CTNNA2: variants seen among roughly 807,000 people sequenced by gnomAD.
The protein encoded by CTNNA2 is catenin alpha-2.
A neutral mutation model predicts 101.0 loss-of-function variants in CTNNA2; 42 were observed. The observed-to-expected ratio is 0.42, with a 90% confidence interval of 0.32 to 0.54. CTNNA2 has a LOEUF of 0.54. Ranked by LOEUF, CTNNA2 falls within the 20% of genes least tolerant of loss-of-function variation. The pLI, the probability that CTNNA2 is intolerant of heterozygous loss-of-function variation, is 0.14. For synonymous variants in CTNNA2, 450 were observed against 456.4 expected (o/e 0.99, Z 0.18); for missense variants, 871 against 1,223.1 (o/e 0.71, Z 4.29).
intron 7 of CTNNA2, among the ~76,000 whole-genome samples, chr2:80,241,425 A>G (rs1483364017): frequency 6.6e-6 from 1 of 151,922 alleles, no homozygotes. Flanking sequence ...AAAGCATTTT[A>G]GGAACATTTC....
intron 7 of CTNNA2, among the ~76,000 whole-genome samples, chr2:79,973,988 GC>G (rs776401007): frequency 2.8e-4 from 43 of 152,058 alleles, no homozygotes; most frequent in Middle Eastern, 3.2e-3. Flanking sequence ...TGTTGCAGTG[GC>G]CTTTGTCCAA....
chr2:80,106,421 T>C (rs1700893845), intron 7 of CTNNA2, among the ~76,000 whole-genome samples: 1 of 152,180 alleles, frequency 6.6e-6, no homozygotes, highest in Non-Finnish European at 1.5e-5. Flanking sequence ...CCAGCAACCC[T>C]GGGTTACACT....
At chr2:80,230,258 T>TTTTTTC (rs1709120238) in intron 7 of CTNNA2, among the ~76,000 whole-genome samples, 2 of 112,330 alleles carry the variant, frequency 1.8e-5, no homozygotes, top group African/African-American at 8.2e-5. Flanking sequence ...TTTTTTTTCT[T>TTTTTTC]TGTTTTTTTT....
chr2:79,749,049 A>C (rs1339008372), intron 3 of CTNNA2, among the ~76,000 whole-genome samples: 1 of 152,144 alleles, frequency 6.6e-6, no homozygotes, highest in Non-Finnish European at 1.5e-5. Context: ...TGTGAAAGGC[A>C]TGCAGTTCAT....
intron 7 of CTNNA2, among the ~76,000 whole-genome samples, chr2:79,934,518 A>C (rs1219359771): frequency 1.3e-5 from 2 of 152,232 alleles, no homozygotes; most frequent in Non-Finnish European, 2.9e-5. Flanking sequence ...GTGGGACTTG[A>C]GTTTACACTC....
intron 7 of CTNNA2, among the ~76,000 whole-genome samples, chr2:80,301,526 AC>A (rs1395770874): frequency 1.3e-5 from 2 of 152,068 alleles, no homozygotes; most frequent in African/African-American, 4.8e-5. Context: ...CTTTTTAAAA[AC>A]CATTTGCAAT....
At chr2:79,699,843 A>T (rs1239174764) in intron 2 of CTNNA2, among the ~76,000 whole-genome samples, 1 of 148,272 alleles carries the variant, frequency 6.7e-6, no homozygotes, top group African/African-American at 2.5e-5. Flanking sequence ...GTGTGTGTAT[A>T]TATATATGTA....
chr2:80,040,583 A>G (rs1461101371), intron 7 of CTNNA2, among the ~76,000 whole-genome samples: 1 of 152,202 alleles, frequency 6.6e-6, no homozygotes, highest in Non-Finnish European at 1.5e-5. Flanking sequence ...CCGGGTTGGT[A>G]CTTCATCTGT....
At chr2:79,715,229 A>C (rs904301228) in intron 2 of CTNNA2, among the ~76,000 whole-genome samples, 8 of 145,866 alleles carry the variant, frequency 5.5e-5, no homozygotes, top group African/African-American at 1.8e-4. Flanking sequence ...AAAAAAAAAA[A>C]CCCACAGAGG....
At chr2:80,377,336 G>A (rs1676054546) in intron 7 of CTNNA2, among the ~76,000 whole-genome samples, 1 of 152,212 alleles carries the variant, frequency 6.6e-6, no homozygotes, top group Admixed American at 6.5e-5. Flanking sequence ...AAAGATCAGG[G>A]TAAGGAATTT....
chr2:80,214,897 A>G (rs1444369050), intron 7 of CTNNA2, among the ~76,000 whole-genome samples: 2 of 152,150 alleles, frequency 1.3e-5, no homozygotes, highest in African/African-American at 2.4e-5. Flanking sequence ...AGGTACACCA[A>G]TCAGACGTAG....
chr2:79,843,084 GT>G (rs771219498), intron 3 of CTNNA2, among the ~76,000 whole-genome samples: 2 of 152,220 alleles, frequency 1.3e-5, no homozygotes, highest in Non-Finnish European at 2.9e-5. Context: ...ATTTAAATGT[GT>G]AACAATGGGG....
chr2:80,172,009 T>A (rs1276258916), intron 7 of CTNNA2, among the ~76,000 whole-genome samples: 1 of 152,066 alleles, frequency 6.6e-6, no homozygotes, highest in African/African-American at 2.4e-5. Context: ...AGAGGAAGTA[T>A]TATGAGGGTG....
intron 4 of CTNNA2, among the ~76,000 whole-genome samples, chr2:79,867,799 C>T (rs1008568960): frequency 9.2e-5 from 14 of 152,150 alleles, no homozygotes; most frequent in Non-Finnish European, 2.1e-4. Flanking sequence ...GAATTTAGCT[C>T]CCTCTGAGAT....
intron 2 of CTNNA2, among the ~76,000 whole-genome samples, chr2:79,259,697 T>A (rs187894547): frequency 7.9e-4 from 120 of 152,264 alleles, no homozygotes; most frequent in Middle Eastern, 3.4e-3. Flanking sequence ...GCTGCCTACC[T>A]GCAGCTCTTC....
At chr2:79,642,913 G>T (rs533770494) in intron 1 of CTNNA2, among the ~76,000 whole-genome samples, 1 of 151,944 alleles carries the variant, frequency 6.6e-6, no homozygotes, top group African/African-American at 2.4e-5. Context: ...AAATTAACAG[G>T]CCGGGCACGG....
chr2:79,628,827 G>C (rs1355003198), intron 1 of CTNNA2, among the ~76,000 whole-genome samples: 1 of 152,272 alleles, frequency 6.6e-6, no homozygotes, highest in Admixed American at 6.5e-5. Context: ...TGTCTCATGG[G>C]CAGAAGCTTT....
intron 7 of CTNNA2, among the ~76,000 whole-genome samples, chr2:80,080,948 TAAAAAAAAAAAA>T (rs79785271): frequency 2.3e-5 from 2 of 87,590 alleles, no homozygotes; most frequent in African/African-American, 4.8e-5. Flanking sequence ...TTCTCCCACT[TAAAAAAAAAAAA>T]AAAAAAAAAA....
At chr2:80,280,544 T>G (rs1223440232) in intron 7 of CTNNA2, among the ~76,000 whole-genome samples, 1 of 151,792 alleles carries the variant, frequency 6.6e-6, no homozygotes, top group East Asian at 2.0e-4. Context: ...CTTGCGCTGA[T>G]CTTACACACC....
Sources: allele counts gnomAD v4.1 joint callset (sites outside exome capture counted in the v4.1 genomes callset), GRCh38; gene constraint gnomAD v4.1.1; transcripts MANE v1.5; gene names NCBI Gene and HGNC (gene_info 2026-07-23, HGNC 2026-07-21).